The following ST6GALNAC6 variants were observed in gnomAD, a reference collection of about 807,000 sequenced individuals.
ST6GALNAC6 encodes alpha-N-acetylgalactosaminide alpha-2,6-sialyltransferase 6.
In ST6GALNAC6, 19 loss-of-function variants were observed where a neutral mutation model predicts 34.3. The observed-to-expected ratio is 0.55, with a 90% confidence interval of 0.39 to 0.81. ST6GALNAC6 has a LOEUF of 0.81. Ranked by LOEUF, ST6GALNAC6 falls within the 40% of genes least tolerant of loss-of-function variation. The probability of loss-of-function intolerance (pLI) is 0.00; values close to 1 mark genes in which losing one functional copy is unlikely to be tolerated. For synonymous variants in ST6GALNAC6, 185 were observed against 182.1 expected (o/e 1.02, Z -0.13); for missense variants, 377 against 467.7 (o/e 0.81, Z 1.79).
At chr9:127,899,415 T>G in intron 1 of ST6GALNAC6, 88 bp downstream of exon 1, 9 of 705,842 alleles carry the variant, frequency 1.3e-5, no homozygotes, top group East Asian at 1.3e-4. Flanking sequence ...TCCCCGGCGA[T>G]TAGCAATCTC....
chr9:127,902,307 G>A (rs1050090070), upstream of ST6GALNAC6, among the ~76,000 whole-genome samples: 8 of 146,132 alleles, frequency 5.5e-5, no homozygotes, highest in African/African-American at 2.0e-4. Context: ...TACAGGCGCG[G>A]GCCACCACGC....
At chr9:127,896,192 T>C (rs757545119) in intron 3 of ST6GALNAC6, 50 bp downstream of exon 3, 1 of 1,595,924 alleles carries the variant, frequency 6.3e-7, no homozygotes, top group Non-Finnish European at 8.6e-7. Context: ...ACCCGTTCCA[T>C]GGAGGGAAGT....
chr9:127,894,738 A>T (rs758473721), intron 3 of ST6GALNAC6, 47 bp from the exon 4 acceptor site: 160 of 1,446,824 alleles, frequency 1.1e-4, no homozygotes, highest in Non-Finnish European at 1.1e-4. Context: ...GGGCAGGCTC[A>T]GCGCCCCCAC....
Position 127,887,406 on chromosome 9 carries a change from G to C in ST6GALNAC6, c.812+78C>G, listed in dbSNP as rs530255333. 1.7e-5 allele frequency: 21 copies of C among 1,270,932 alleles called. No individual in the cohort carries two copies. The African/African-American group carries it at 2.8e-4, about 17-fold the overall frequency. The allele number at this position is 1,270,932 out of a possible 1,614,324, so 78.7% of individuals were successfully genotyped here. A position where few individuals can be genotyped will look rare whatever the true frequency, so the allele number is the denominator to read the frequency against. On this transcript the variant is annotated intron_variant, in intron 6 of 6. Transcript: ENST00000373146. ...GCCCTCAAAGGCACCTTCAGCCAAGGTTTCCAGCCCCTAGAGCTCCATCCT... is the reference window on the plus strand; with the variant it reads ...GCCCTCAAAGGCACCTTCAGCCAAGCTTTCCAGCCCCTAGAGCTCCATCCT...
At chr9:127,898,344 G>C (rs1465666804) in intron 1 of ST6GALNAC6, among the ~76,000 whole-genome samples, 1 of 152,180 alleles carries the variant, frequency 6.6e-6, no homozygotes, top group East Asian at 1.9e-4. Context: ...AGTGAACCGA[G>C]ATGGTGCCAC....
rs536072968 is a variant in ST6GALNAC6, at chr9:127,891,308, GA to G, written c.298-266del. 9.9e-3 allele frequency among the ~76,000 whole-genome samples: 1,492 copies of G among 150,714 alleles called. 20 individuals carry two copies. The highest frequency in any genetic ancestry group is 0.035 in the African/African-American group (1,417 of 41,058). On this transcript the variant is annotated intron_variant, in intron 4 of 6. Transcript: ENST00000373146. Reference sequence around the variant, plus strand: ...TAAGAATGCACATAATACATGCCAGGAAAAAAAAAGAAAATAGTGGCAAATG... The same window carrying G: ...TAAGAATGCACATAATACATGCCAGGAAAAAAAAGAAAATAGTGGCAAATG...
intron 6 of ST6GALNAC6, 70 bp downstream of exon 6, chr9:127,887,414 C>T: frequency 7.5e-7 from 1 of 1,341,698 alleles, no homozygotes. Flanking sequence ...AGGTTTCCAG[C>T]CCCTAGAGCT....
chr9:127,886,093 C>T lies in ST6GALNAC6; in HGVS notation c.*506G>A, dbSNP rs1233463990. The T allele has an allele frequency of 6.0e-6, 1 of 166,734 alleles. No individual in the cohort carries two copies. The highest frequency in any genetic ancestry group is 1.7e-4 in the East Asian group (1 of 6,002). 10.3% of individuals were successfully genotyped at this position (166,734 alleles called of 1,614,324 possible). ...CCTCCCACCTCTGGGACCTCCCCAC[C>T]GCCCCCACAACCTCCACAACCCCAC... On this transcript the variant is annotated 3_prime_UTR_variant, in exon 7 of 7. Coordinates refer to ENST00000373146, the MANE Select transcript of ST6GALNAC6 (RefSeq NM_013443.5).
intron 2 of ST6GALNAC6, 180 bp downstream of exon 2, chr9:127,897,776 G>A (rs981131550): frequency 3.5e-6 from 5 of 1,441,526 alleles, no homozygotes; most frequent in Admixed American, 2.2e-5. Flanking sequence ...CTTACTACGC[G>A]TGGCCACCCT....
intron 4 of ST6GALNAC6, 69 bp downstream of exon 4, chr9:127,894,443 G>C: frequency 1.9e-6 from 3 of 1,561,156 alleles, no homozygotes; most frequent in Non-Finnish European, 2.6e-6. Context: ...CTTTCCTTTA[G>C]GAAAGAACAG....
intron 5 of ST6GALNAC6, among the ~76,000 whole-genome samples, chr9:127,889,835 T>G (rs1338190849): frequency 6.6e-6 from 1 of 152,216 alleles, no homozygotes; most frequent in Non-Finnish European, 1.5e-5. Flanking sequence ...GCTCCAAAAT[T>G]TTTTAAATAT....
chr9:127,899,855 C>G (rs2131588402), upstream of ST6GALNAC6, among the ~76,000 whole-genome samples: 4 of 152,286 alleles, frequency 2.6e-5, no homozygotes, highest in South Asian at 8.3e-4. Context: ...ACTTCTAGCT[C>G]TCTTTATTGC....
Position 127,899,532 on chromosome 9 carries a change from G to A in ST6GALNAC6, c.-59C>T, listed in dbSNP as rs1427709821. The A allele has an allele frequency of 4.1e-6, 4 of 980,966 alleles. No homozygotes were observed. In the East Asian group the frequency reaches 3.4e-4, roughly 84 times the overall value. 60.8% of individuals were successfully genotyped at this position (980,966 alleles called of 1,614,324 possible). ...GGCGGGGAGCGCCCGGCCCCCCGCG[G>A]CCCCCGAGCCCCCTCACATGGCGCC... On this transcript the variant is annotated 5_prime_UTR_variant, in exon 1 of 7. Transcript: ENST00000373146.
intron 2 of ST6GALNAC6, among the ~76,000 whole-genome samples, chr9:127,896,631 G>A (rs1588654100): frequency 1.3e-5 from 2 of 152,194 alleles, no homozygotes; most frequent in Non-Finnish European, 2.9e-5. Flanking sequence ...TGACCTCCAC[G>A]CAGTAGGAGC....
upstream of ST6GALNAC6, among the ~76,000 whole-genome samples, chr9:127,906,462 C>G (rs138853549): frequency 4.0e-4 from 61 of 152,218 alleles, no homozygotes; most frequent in African/African-American, 1.4e-3. Flanking sequence ...TGTGGGCTCT[C>G]TCCAGCCCAG....
rs1489940804 is a variant in ST6GALNAC6, at chr9:127,890,264, C to T, written c.704+373G>A. ...AGAGCATGCCAGGAGCAACTGTGTG[C>T]TTAAGGCAAGACATGCTGGGAACAG... On this transcript the variant is annotated intron_variant, in intron 5 of 6. Coordinates refer to ENST00000373146, the MANE Select transcript of ST6GALNAC6 (RefSeq NM_013443.5). This position sits in a 1 kb window ranked among gnomAD's most constrained non-coding sequence, Gnocchi z 4.3. Among the ~76,000 whole-genome samples the T allele has an allele frequency of 2.0e-5, 3 of 152,078 alleles. No homozygotes were observed. Among genetic ancestry groups the T allele is most frequent in the African/African-American group, 7.2e-5 (3 of 41,384 alleles).
rs1272091042 is a variant in ST6GALNAC6 at position 127,886,413 on chromosome 9, A to T, written c.*186T>A. ...CCCCTGATTAACCGCATAGACTCCC[A>T]AATCCCTGATTCGCCAACAGATTCC... is the stretch of plus-strand genomic sequence containing the variant. On this transcript the variant is annotated 3_prime_UTR_variant, in exon 7 of 7. Coordinates refer to ENST00000373146, the MANE Select transcript of ST6GALNAC6 (RefSeq NM_013443.5). The T allele has an allele frequency of 1.4e-6, 2 of 1,437,340 alleles. No homozygotes were observed. Among genetic ancestry groups the T allele is most frequent in the African/African-American group, 2.9e-5 (2 of 69,680 alleles). The allele number at this position is 1,437,340 out of a possible 1,614,324, so 89.0% of individuals were successfully genotyped here. A position where few individuals can be genotyped will look rare whatever the true frequency, so the allele number is the denominator to read the frequency against.
chr9:127,897,023 C>G lies in ST6GALNAC6; in HGVS notation c.27-691G>C, dbSNP rs1006402602. 8 of 918,728 alleles carry G rather than the reference C, an allele frequency of 8.7e-6. No homozygotes were observed. In the South Asian group the frequency reaches 1.5e-4, roughly 17 times the overall value. 56.9% of individuals were successfully genotyped at this position (918,728 alleles called of 1,614,324 possible). A position where few individuals can be genotyped will look rare whatever the true frequency, so the allele number is the denominator to read the frequency against. On this transcript the variant is annotated intron_variant, in intron 2 of 6. Coordinates refer to ENST00000373146, the MANE Select transcript of ST6GALNAC6 (RefSeq NM_013443.5). Reference sequence around the variant, plus strand: ...GAGAGGCTCGGTTCTAGTCCAGGCTCGACAGTCTCTGCCAGGGCTGACTCC... The same window carrying G: ...GAGAGGCTCGGTTCTAGTCCAGGCTGGACAGTCTCTGCCAGGGCTGACTCC...
intron 4 of ST6GALNAC6, among the ~76,000 whole-genome samples, chr9:127,893,417 C>T (rs1830263296): frequency 1.3e-5 from 2 of 152,156 alleles, no homozygotes; most frequent in African/African-American, 4.8e-5. Flanking sequence ...TTTTCCATGG[C>T]TGAAATGAAT....
Sources: gnomAD v4.1 joint callset for allele counts (sites outside exome capture counted in the v4.1 genomes callset) on GRCh38, gnomAD v4.1.1 for gene constraint, Gnocchi (gnomAD v3.1) non-coding constraint, MANE v1.5 for transcripts, NCBI Gene and HGNC (gene_info 2026-07-23, HGNC 2026-07-21) for gene names.